DLGAP2: variants seen among roughly 807,000 people sequenced by gnomAD.
DLGAP2 encodes disks large-associated protein 2.
In DLGAP2, 26 loss-of-function variants were observed where a neutral mutation model predicts 100.3. That is an observed-to-expected ratio of 0.26 (90% CI 0.19 to 0.36). DLGAP2 has a LOEUF of 0.36. Among genes scored for constraint, DLGAP2 ranks in the 10% least tolerant of loss-of-function variants. The probability of loss-of-function intolerance (pLI) is 1.00; values close to 1 mark genes in which losing one functional copy is unlikely to be tolerated. For synonymous variants in DLGAP2, 886 were observed against 630.1 expected, an observed-to-expected ratio of 1.41 and a Z score of -6.08; for missense variants, 1,858 against 1,453.2, an observed-to-expected ratio of 1.28 and a Z score of -4.53.
At chr8:1,580,577 C>T (rs527407869) in intron 6 of DLGAP2, among the ~76,000 whole-genome samples, 4 of 152,146 alleles carry the variant, frequency 2.6e-5, no homozygotes, top group African/African-American at 9.7e-5. Flanking sequence ...AGCACTAATG[C>T]CAGGGAGTTT....
chr8:1,528,694 A>G (rs986985972), intron 4 of DLGAP2, among the ~76,000 whole-genome samples: 1 of 152,180 alleles, frequency 6.6e-6, no homozygotes, highest in Admixed American at 6.5e-5. Context: ...TGAGTGGGTG[A>G]CCAGATGACC....
intron 3 of DLGAP2, among the ~76,000 whole-genome samples, chr8:1,372,981 G>A (rs1435098478): frequency 6.6e-6 from 1 of 152,142 alleles, no homozygotes; most frequent in Non-Finnish European, 1.5e-5. Flanking sequence ...CACCTACGTG[G>A]CCACCTATGC....
intron 3 of DLGAP2, among the ~76,000 whole-genome samples, chr8:1,446,541 G>T (rs1797990787): frequency 6.6e-6 from 1 of 152,108 alleles, no homozygotes; most frequent in African/African-American, 2.4e-5. Context: ...CTCCAGCTTT[G>T]TTCTTTTGGC....
intron 3 of DLGAP2, among the ~76,000 whole-genome samples, chr8:1,317,243 G>T (rs1436620611): frequency 7.2e-6 from 1 of 139,844 alleles, no homozygotes; most frequent in Non-Finnish European, 1.5e-5. Context: ...TTTAAAAATA[G>T]AGCGTGTGCG....
At chr8:973,616 G>T (rs1800079923) in intron 2 of DLGAP2, among the ~76,000 whole-genome samples, 1 of 152,242 alleles carries the variant, frequency 6.6e-6, no homozygotes. Flanking sequence ...AGGCGGCTGG[G>T]AGGTGGAGGT....
rs1799751246 is a variant in DLGAP2, at chr8:1,708,018, C to T, written c.*6612C>T. On this transcript the variant is annotated 3_prime_UTR_variant, in exon 15 of 15. Transcript: ENST00000637795. ...TTTCTTACTTCCTCTTAATAACTTA[C>T]CAGAATGTTGGTCATTCCTTTAAGG... 1 of 152,606 alleles carries T rather than the reference C, an allele frequency of 6.6e-6. No individual in the cohort carries two copies. Among genetic ancestry groups the T allele is most frequent in the Non-Finnish European group, 1.5e-5 (1 of 68,038 alleles). The allele number at this position is 152,606 out of a possible 1,614,324, so 9.5% of individuals were successfully genotyped here.
intron 2 of DLGAP2, among the ~76,000 whole-genome samples, chr8:980,630 C>T (rs1292585681): frequency 2.0e-5 from 3 of 152,120 alleles, no homozygotes; most frequent in African/African-American, 4.8e-5. Flanking sequence ...GAGGTGAATC[C>T]AGGTGGGCAG....
intron 2 of DLGAP2, among the ~76,000 whole-genome samples, chr8:1,168,708 G>A (rs1357966778): frequency 1.4e-5 from 2 of 144,780 alleles, no homozygotes; most frequent in East Asian, 3.9e-4. Context: ...CATGTCCTTT[G>A]CCCACTTTTT....
At chr8:1,472,948 T>C (rs1001558194) in intron 3 of DLGAP2, among the ~76,000 whole-genome samples, 5 of 152,202 alleles carry the variant, frequency 3.3e-5, no homozygotes, top group Admixed American at 6.5e-5. Context: ...ACAATTTTTT[T>C]TTTGACATGG....
intron 2 of DLGAP2, among the ~76,000 whole-genome samples, chr8:1,039,661 G>GTGGTCAGCTCGGTTTCC (rs1563158914): frequency 1.3e-4 from 2 of 15,776 alleles, no homozygotes; most frequent in Non-Finnish European, 2.3e-4. Flanking sequence ...GCTCGGTGTG[G>GTGGTCAGCTCGGTTTCC]GTGGTCAGCT....
At chr8:1,341,757 G>T (rs772261695) in intron 3 of DLGAP2, among the ~76,000 whole-genome samples, 2 of 152,154 alleles carry the variant, frequency 1.3e-5, no homozygotes, top group African/African-American at 2.4e-5. Context: ...GTGCTAGCAG[G>T]TGTCATTTCC....
intron 1 of DLGAP2, among the ~76,000 whole-genome samples, chr8:752,523 G>A (rs528061745): frequency 6.6e-6 from 1 of 152,298 alleles, no homozygotes; most frequent in Non-Finnish European, 1.5e-5. Flanking sequence ...GCCTGGGCTC[G>A]GTGTGGGGTC....
At chr8:1,422,949 C>G (rs1248457115) in intron 3 of DLGAP2, among the ~76,000 whole-genome samples, 2 of 152,138 alleles carry the variant, frequency 1.3e-5, no homozygotes, top group Non-Finnish European at 2.9e-5. Flanking sequence ...CAGGGGGCCC[C>G]TTAGCCTGGG....
At chr8:835,972 T>C (rs1210566609) in intron 1 of DLGAP2, among the ~76,000 whole-genome samples, 3 of 152,180 alleles carry the variant, frequency 2.0e-5, no homozygotes, top group African/African-American at 7.2e-5. Flanking sequence ...TTGGTCATTT[T>C]TGGGTGTAAG....
intron 2 of DLGAP2, among the ~76,000 whole-genome samples, chr8:1,099,046 TAG>T (rs1456470992): frequency 6.6e-6 from 1 of 152,198 alleles, no homozygotes; most frequent in Non-Finnish European, 1.5e-5. Flanking sequence ...GTGTGTATTT[TAG>T]AAAATACTGT....
intron 3 of DLGAP2, among the ~76,000 whole-genome samples, chr8:1,277,743 A>G (rs1205980820): frequency 6.6e-6 from 1 of 152,156 alleles, no homozygotes; most frequent in African/African-American, 2.4e-5. Flanking sequence ...TACCCACGTC[A>G]GGGAGCACCC....
intron 5 of DLGAP2, among the ~76,000 whole-genome samples, chr8:1,561,113 T>C (rs558023476): frequency 1.6e-4 from 24 of 152,250 alleles, no homozygotes; most frequent in African/African-American, 5.5e-4. Context: ...TGATGGTTTT[T>C]TAAAAGGGAG....
chr8:1,362,253 A>G (rs1432682758), intron 3 of DLGAP2, among the ~76,000 whole-genome samples: 2 of 152,042 alleles, frequency 1.3e-5, no homozygotes, highest in Admixed American at 1.3e-4. Context: ...CCACAGTGGC[A>G]GCTCCACTCA....
chr8:1,308,855 T>G (rs549726167), intron 3 of DLGAP2, among the ~76,000 whole-genome samples: 5 of 152,110 alleles, frequency 3.3e-5, no homozygotes, highest in Non-Finnish European at 5.9e-5. Context: ...TTTTCTTAAA[T>G]ATGCCCCAAA....
Sources: gnomAD v4.1 joint callset for allele counts (sites outside exome capture counted in the v4.1 genomes callset) on GRCh38, gnomAD v4.1.1 for gene constraint, MANE v1.5 for transcripts, NCBI Gene and HGNC (gene_info 2026-07-23, HGNC 2026-07-21) for gene names.